Variants in CNTN3 observed in about 807,000 individuals in gnomAD.
CNTN3 encodes the protein contactin-3.
CNTN3 carries 60 observed loss-of-function variants against 119.1 expected under a neutral mutation model. That is an observed-to-expected ratio of 0.50 (90% CI 0.41 to 0.62). The LOEUF is 0.62. Among genes scored for constraint, CNTN3 ranks in the 20% least tolerant of loss-of-function variants. CNTN3 has a pLI of 0.00. For missense variants in CNTN3, 1,101 were observed against 1,242.4 expected (o/e 0.89, Z 1.71); for synonymous variants, 450 against 438.7 (o/e 1.03, Z -0.32).
At chr3:74,419,693 G>A (rs1459759529) in intron 5 of CNTN3, among the ~76,000 whole-genome samples, 2 of 152,138 alleles carry the variant, frequency 1.3e-5, no homozygotes, top group African/African-American at 4.8e-5. Context: ...ATTAAACACT[G>A]GGACAGACTC....
intron 13 of CNTN3, among the ~76,000 whole-genome samples, chr3:74,324,720 C>T (rs939735196): frequency 2.6e-5 from 4 of 151,872 alleles, no homozygotes; most frequent in Non-Finnish European, 4.4e-5. Flanking sequence ...GCTTTATATC[C>T]CACTCAATCC....
chr3:74,297,590 G>A (rs552551704), intron 18 of CNTN3, among the ~76,000 whole-genome samples: 9 of 152,158 alleles, frequency 5.9e-5, no homozygotes, highest in Non-Finnish European at 1.0e-4. Flanking sequence ...AAGGCAAGGC[G>A]AACATGGAGT....
At chr3:74,471,639 C>G (rs74779763) in intron 4 of CNTN3, among the ~76,000 whole-genome samples, 2,382 of 152,268 alleles carry the variant, frequency 0.016, 55 homozygotes, top group African/African-American at 0.052. Context: ...GCTGTGACCA[C>G]TTCTGCCAAC....
intron 1 of CNTN3, among the ~76,000 whole-genome samples, chr3:74,577,539 G>T (rs1704437514): frequency 6.6e-6 from 1 of 151,982 alleles, no homozygotes; most frequent in African/African-American, 2.4e-5. Context: ...TACCTCACAA[G>T]ATCTCAAGTT....
chr3:74,487,249 G>C (rs565818165), intron 3 of CNTN3, among the ~76,000 whole-genome samples: 18 of 152,246 alleles, frequency 1.2e-4, no homozygotes, highest in Non-Finnish European at 2.2e-4. Flanking sequence ...TCAACGAGAA[G>C]CCTAAAGATA....
intron 13 of CNTN3, among the ~76,000 whole-genome samples, chr3:74,303,398 A>T (rs1023755665): frequency 6.6e-6 from 1 of 152,180 alleles, no homozygotes; most frequent in Non-Finnish European, 1.5e-5. Context: ...TTTAAACCTT[A>T]AAAATAACAG....
intron 5 of CNTN3, among the ~76,000 whole-genome samples, chr3:74,391,206 G>A (rs1704890951): frequency 6.6e-6 from 1 of 152,122 alleles, no homozygotes; most frequent in Non-Finnish European, 1.5e-5. Flanking sequence ...CTTAAAATGG[G>A]AGTTTTTCAG....
chr3:74,264,669 C>G (rs961838005), intron 22 of CNTN3, among the ~76,000 whole-genome samples, 168 bp from the exon 23 acceptor site: 1 of 152,040 alleles, frequency 6.6e-6, no homozygotes, highest in East Asian at 1.9e-4. Context: ...ACTGAATCTG[C>G]CAGCAATTTG....
At chr3:74,417,753 G>T (rs970359896) in intron 5 of CNTN3, among the ~76,000 whole-genome samples, 2 of 152,130 alleles carry the variant, frequency 1.3e-5, no homozygotes, top group African/African-American at 2.4e-5. Context: ...TATAAAAGCA[G>T]CTAAGGTTTA....
intron 4 of CNTN3, among the ~76,000 whole-genome samples, chr3:74,452,885 A>G (rs1702187465): frequency 6.6e-6 from 1 of 151,692 alleles, no homozygotes; most frequent in Non-Finnish European, 1.5e-5. Flanking sequence ...CATGGTGGAT[A>G]AGCTTTTTGA....
intron 4 of CNTN3, among the ~76,000 whole-genome samples, chr3:74,469,475 G>T (rs577008652): frequency 2.0e-5 from 3 of 152,216 alleles, no homozygotes; most frequent in Non-Finnish European, 4.4e-5. Flanking sequence ...GTATTTAGAA[G>T]TCATAAAGAA....
At chr3:74,605,841 A>G (rs1279626658) in intron 1 of CNTN3, among the ~76,000 whole-genome samples, 7 of 152,178 alleles carry the variant, frequency 4.6e-5, no homozygotes, top group Non-Finnish European at 1.5e-5. Flanking sequence ...CTCAGATTCA[A>G]GGGAAAGGGA....
intron 5 of CNTN3, among the ~76,000 whole-genome samples, chr3:74,399,580 T>G (rs945120904): frequency 6.6e-6 from 1 of 152,196 alleles, no homozygotes; most frequent in Admixed American, 6.5e-5. Flanking sequence ...TCTTTGCTAT[T>G]GTGAATAGTG....
intron 20 of CNTN3, among the ~76,000 whole-genome samples, chr3:74,270,803 T>G (rs1332905296): frequency 2.0e-5 from 3 of 152,158 alleles, no homozygotes; most frequent in Non-Finnish European, 2.9e-5. Context: ...TTTTTGGAAA[T>G]CGTTTGTCAA....
intron 11 of CNTN3, among the ~76,000 whole-genome samples, chr3:74,346,771 ATCCATC>A: frequency 6.6e-6 from 1 of 151,786 alleles, no homozygotes; most frequent in Non-Finnish European, 1.5e-5. Context: ...CCATCCATCC[ATCCATC>A]CATCCATCCA....
chr3:74,380,481 C>G (rs1051546202), intron 5 of CNTN3, among the ~76,000 whole-genome samples: 23 of 152,170 alleles, frequency 1.5e-4, no homozygotes, highest in African/African-American at 5.3e-4. Context: ...GATAAAGAAG[C>G]TTACATCTCA....
chr3:74,429,710 C>T (rs1701752242), intron 4 of CNTN3, among the ~76,000 whole-genome samples: 1 of 152,054 alleles, frequency 6.6e-6, no homozygotes, highest in Non-Finnish European at 1.5e-5. Flanking sequence ...AAGCTACAGA[C>T]TGGGAGGATA....
rs76577274 is a variant in CNTN3, at chr3:74,289,454, C to T, written c.2518-3963G>A. Among the ~76,000 whole-genome samples the T allele has an allele frequency of 5.9e-3, 891 of 152,300 alleles. 8 individuals are homozygous for T. The highest frequency in any genetic ancestry group is 0.021 in the African/African-American group (859 of 41,564). On this transcript the variant is annotated intron_variant, in intron 19 of 22. Transcript: ENST00000263665. ...TAGCTCTTCTCATCTTTCTGTGCCC[C>T]ACTTTGATGGCAATATCAGCATGCA...
chr3:74,404,652 C>T (rs780782391), intron 5 of CNTN3, among the ~76,000 whole-genome samples: 1 of 151,972 alleles, frequency 6.6e-6, no homozygotes, highest in Non-Finnish European at 1.5e-5. Flanking sequence ...GTCTGCCATA[C>T]ACCATATGAC....
Sources: allele counts gnomAD v4.1 joint callset (sites outside exome capture counted in the v4.1 genomes callset), GRCh38; gene constraint gnomAD v4.1.1; transcripts MANE v1.5; gene names NCBI Gene and HGNC (gene_info 2026-07-23, HGNC 2026-07-21).